HSD17B12: variants seen among roughly 807,000 people sequenced by gnomAD.
HSD17B12 encodes hydroxysteroid 17-beta dehydrogenase 12.
A neutral mutation model predicts 39.3 loss-of-function variants in HSD17B12; 32 were observed. That is an observed-to-expected ratio of 0.81 (90% CI 0.61 to 1.09). The LOEUF (loss-of-function observed/expected upper bound fraction) is 1.09. Ranked by LOEUF, HSD17B12 falls within the 50% of genes least tolerant of loss-of-function variation. HSD17B12 has a pLI of 0.00. For synonymous variants in HSD17B12, 150 were observed against 146.7 expected, an observed-to-expected ratio of 1.02 and a Z score of -0.16; for missense variants, 342 against 382.9, an observed-to-expected ratio of 0.89 and a Z score of 0.89.
intron 3 of HSD17B12, among the ~76,000 whole-genome samples, chr11:43,785,808 G>C (rs990276801): frequency 5.3e-5 from 8 of 152,164 alleles, no homozygotes; most frequent in African/African-American, 1.9e-4. Context: ...CTCATAGTCT[G>C]AATAGGTCTT....
At chr11:43,653,745 G>T in the HSD17B12 span, among the ~76,000 whole-genome samples, 3 of 152,072 alleles carry the variant, frequency 2.0e-5, no homozygotes, top group East Asian at 1.9e-4. Flanking sequence ...ATTTTTTATG[G>T]CTGCATAGTA....
intron 1 of HSD17B12, among the ~76,000 whole-genome samples, chr11:43,715,537 T>G (rs997090663): frequency 6.6e-6 from 1 of 152,250 alleles, no homozygotes; most frequent in Non-Finnish European, 1.5e-5. Flanking sequence ...CAGTATTTTA[T>G]TGAGGATTTT....
At chr11:43,840,395 A>G (rs909034446) in intron 9 of HSD17B12, among the ~76,000 whole-genome samples, 3 of 152,122 alleles carry the variant, frequency 2.0e-5, no homozygotes, top group African/African-American at 7.2e-5. Flanking sequence ...AATAAACATA[A>G]AATTTACCAT....
At chr11:43,567,245 C>T in the HSD17B12 span, among the ~76,000 whole-genome samples, 2 of 152,170 alleles carry the variant, frequency 1.3e-5, no homozygotes, top group African/African-American at 4.8e-5. Flanking sequence ...AAAGCTAGAA[C>T]ACATTCAAAA....
At chr11:43,614,076 A>G in the HSD17B12 span, among the ~76,000 whole-genome samples, 30,598 of 152,078 alleles carry the variant, frequency 0.2, 3,317 homozygotes, top group Middle Eastern at 0.27. Flanking sequence ...CTTTTACACA[A>G]TTACTTTTAA....
At chr11:43,682,630 A>G (rs1354601966) in intron 1 of HSD17B12, among the ~76,000 whole-genome samples, 2 of 151,958 alleles carry the variant, frequency 1.3e-5, no homozygotes, top group Non-Finnish European at 2.9e-5. Flanking sequence ...ACTTGCCCAC[A>G]TTCTTCATTG....
At chr11:43,707,798 A>G (rs774690060) in intron 1 of HSD17B12, among the ~76,000 whole-genome samples, 1 of 152,240 alleles carries the variant, frequency 6.6e-6, no homozygotes, top group African/African-American at 2.4e-5. Context: ...TACAAAAATT[A>G]AAGTGGACTA....
the HSD17B12 span, among the ~76,000 whole-genome samples, chr11:43,607,833 T>G: frequency 2.1e-4 from 32 of 152,278 alleles, no homozygotes; most frequent in Middle Eastern, 6.8e-3. Flanking sequence ...GGAGTGACAT[T>G]GATGGTGGCG....
chr11:43,771,836 A>G (rs1359728493), intron 3 of HSD17B12, among the ~76,000 whole-genome samples: 1 of 152,102 alleles, frequency 6.6e-6, no homozygotes, highest in East Asian at 1.9e-4. Flanking sequence ...TGGTACTGAG[A>G]TACCGAGTAC....
chr11:43,806,785 A>C (rs118103137), intron 4 of HSD17B12, among the ~76,000 whole-genome samples: 15,759 of 152,232 alleles, frequency 0.1, 1,117 homozygotes, highest in Non-Finnish European at 0.14. Context: ...TTGGATGACT[A>C]TAATCAATTG....
the HSD17B12 span, among the ~76,000 whole-genome samples, chr11:43,659,615 C>T: frequency 1.3e-5 from 2 of 152,042 alleles, no homozygotes; most frequent in African/African-American, 2.4e-5. Flanking sequence ...ATAAATTAGA[C>T]TTCATCAAAA....
intron 1 of HSD17B12, among the ~76,000 whole-genome samples, chr11:43,710,886 G>A (rs1482399481): frequency 6.6e-6 from 1 of 152,246 alleles, no homozygotes; most frequent in Middle Eastern, 3.4e-3. Context: ...CACCTCCTGG[G>A]TTCAAGTGAT....
At chr11:43,618,089 C>T in the HSD17B12 span, among the ~76,000 whole-genome samples, 1 of 152,068 alleles carries the variant, frequency 6.6e-6, no homozygotes, top group African/African-American at 2.4e-5. Context: ...AACTTGGTGT[C>T]TTTTTTCTCT....
intron 4 of HSD17B12, among the ~76,000 whole-genome samples, chr11:43,798,798 A>G (rs867503867): frequency 1.3e-5 from 2 of 152,268 alleles, no homozygotes; most frequent in Middle Eastern, 6.8e-3. Context: ...TATACTTTAA[A>G]TCATCTCTAG....
the HSD17B12 span, among the ~76,000 whole-genome samples, chr11:43,594,020 A>T: frequency 1.3e-5 from 2 of 152,194 alleles, no homozygotes; most frequent in African/African-American, 2.4e-5. Flanking sequence ...ATATTTGGAT[A>T]AATATAGAAA....
At chr11:43,838,639 T>C (rs1372260912) in intron 8 of HSD17B12, among the ~76,000 whole-genome samples, 5 of 93,432 alleles carry the variant, frequency 5.4e-5, no homozygotes, top group African/African-American at 1.6e-4. Flanking sequence ...GATTCACAGA[T>C]GCTGTTTTTC....
At chr11:43,678,531 T>A (rs968209572), upstream of HSD17B12, among the ~76,000 whole-genome samples, 2 of 152,254 alleles carry the variant, frequency 1.3e-5, no homozygotes, top group Non-Finnish European at 2.9e-5. Flanking sequence ...TGAATGGTAT[T>A]GCCTAGGTTT....
At position 43,840,005 on chromosome 11, in the gene HSD17B12, G is replaced by A. The variant is rs1951409578; in HGVS notation, c.625G>A (p.Val209Ile). The A allele has an allele frequency of 6.2e-7, 1 of 1,612,088 alleles. No individual in the cohort carries two copies. The highest frequency in any genetic ancestry group is 1.7e-5 in the Admixed American group (1 of 59,820). ...ACTCCCACTCCCCTCCCAGACTTTTGTAGATTTCTTCTCTCAGTGCCTCCA... is the reference window on the plus strand; with the variant it reads ...ACTCCCACTCCCCTCCCAGACTTTTATAGATTTCTTCTCTCAGTGCCTCCA... ...LTIYSATKTF[V>I]DFFSQCLHEE... The change falls in exon 9 of 11, where the codon GTA becomes ATA. Residue 209 changes from valine to isoleucine, a missense_variant. Coordinates refer to ENST00000278353, the MANE Select transcript of HSD17B12 (RefSeq NM_016142.3).
chr11:43,732,934 G>A (rs1410159088), intron 1 of HSD17B12, among the ~76,000 whole-genome samples: 1 of 152,160 alleles, frequency 6.6e-6, no homozygotes, highest in African/African-American at 2.4e-5. Flanking sequence ...ACAATGCCTA[G>A]CCTCAGGTTG....
Sources: allele counts gnomAD v4.1 joint callset (sites outside exome capture counted in the v4.1 genomes callset), GRCh38; gene constraint gnomAD v4.1.1; transcripts MANE v1.5; gene names NCBI Gene and HGNC (gene_info 2026-07-23, HGNC 2026-07-21).